Variants in CALN1 observed in about 807,000 individuals in gnomAD.
CALN1 encodes the protein calcium-binding protein 8.
Under a neutral mutation model 30.6 loss-of-function variants are expected in CALN1, and 17 were observed. The observed-to-expected ratio is 0.56, with a 90% CI of 0.38 to 0.83. The LOEUF (loss-of-function observed/expected upper bound fraction) is 0.83, where lower values mean the gene tolerates loss of function less well. CALN1 is among the 40% of genes least tolerant of loss of function. CALN1 has a pLI of 0.00. For missense variants in CALN1, 291 were observed against 354.9 expected (o/e 0.82, Z 1.45); for synonymous variants, 156 against 131.4 (o/e 1.19, Z -1.28).
chr7:72,056,149 A>AC (rs1803244873), intron 4 of CALN1, among the ~76,000 whole-genome samples: 1 of 151,692 alleles, frequency 6.6e-6, no homozygotes, highest in Admixed American at 6.6e-5. Context: ...TACTCTAACA[A>AC]TTTTATACTT....
intron 6 of CALN1, among the ~76,000 whole-genome samples, chr7:71,806,729 C>A (rs567352942): frequency 3.9e-5 from 6 of 152,116 alleles, no homozygotes; most frequent in African/African-American, 1.2e-4. Flanking sequence ...GACCCCCCCC[C>A]AGGGAGCTGA....
At chr7:72,496,902 G>T in the CALN1 span, among the ~76,000 whole-genome samples, 554 of 152,226 alleles carry the variant, frequency 3.6e-3, 5 homozygotes, top group Non-Finnish European at 4.8e-3. Flanking sequence ...AGGGCTTATA[G>T]TCTTATGAGG....
intron 2 of CALN1, among the ~76,000 whole-genome samples, chr7:72,376,895 T>G (rs2944787): frequency 0.32 from 49,276 of 152,116 alleles, 9,691 homozygotes; most frequent in Middle Eastern, 0.51. Flanking sequence ...CTTTCTGTAT[T>G]TTTGCATGTG....
chr7:72,328,155 T>C (rs758415161), intron 2 of CALN1, among the ~76,000 whole-genome samples: 2 of 152,214 alleles, frequency 1.3e-5, no homozygotes, highest in Non-Finnish European at 2.9e-5. Flanking sequence ...AAAAATGTCT[T>C]AAGCACAAAA....
chr7:72,259,102 A>T (rs1465818553), intron 3 of CALN1, among the ~76,000 whole-genome samples: 1 of 150,652 alleles, frequency 6.6e-6, no homozygotes, highest in Admixed American at 6.7e-5. Context: ...TATTATTTAT[A>T]TATATATATA....
At chr7:72,420,937 T>A (rs1807587754) in intron 1 of CALN1, among the ~76,000 whole-genome samples, 1 of 152,072 alleles carries the variant, frequency 6.6e-6, no homozygotes, top group Non-Finnish European at 1.5e-5. Flanking sequence ...AACATGCATC[T>A]GCAAGGGCCT....
chr7:72,094,211 A>G (rs1309167393), intron 4 of CALN1, among the ~76,000 whole-genome samples: 1 of 152,184 alleles, frequency 6.6e-6, no homozygotes, highest in Non-Finnish European at 1.5e-5. Flanking sequence ...GTGTTAAATC[A>G]AAGAAGATAC....
At chr7:72,190,203 CA>C (rs1016034546) in intron 3 of CALN1, among the ~76,000 whole-genome samples, 12 of 152,028 alleles carry the variant, frequency 7.9e-5, no homozygotes, top group Admixed American at 7.9e-4. Flanking sequence ...TAAAAACATA[CA>C]AATTAGCTGG....
chr7:72,370,178 T>A (rs935547428), intron 2 of CALN1, among the ~76,000 whole-genome samples: 1 of 152,222 alleles, frequency 6.6e-6, no homozygotes, highest in Non-Finnish European at 1.5e-5. Flanking sequence ...TGTAATGACA[T>A]CTCATTGTAG....
intron 3 of CALN1, among the ~76,000 whole-genome samples, chr7:72,166,831 C>A (rs763550629): frequency 3.9e-4 from 60 of 151,930 alleles, no homozygotes; most frequent in Non-Finnish European, 7.9e-4. Context: ...TCATTTGAGG[C>A]CAGGAGTTCA....
At chr7:71,955,681 G>A (rs1796923544) in intron 5 of CALN1, among the ~76,000 whole-genome samples, 1 of 152,064 alleles carries the variant, frequency 6.6e-6, no homozygotes, top group Non-Finnish European at 1.5e-5. Context: ...ATAGGGTACA[G>A]ATCTTAAGTT....
At chr7:72,195,454 C>A (rs1189917323) in intron 3 of CALN1, among the ~76,000 whole-genome samples, 1 of 152,222 alleles carries the variant, frequency 6.6e-6, no homozygotes, top group East Asian at 1.9e-4. Flanking sequence ...TAGCTCACTG[C>A]AGCCTTGACT....
intron 2 of CALN1, among the ~76,000 whole-genome samples, chr7:72,295,623 C>A (rs1364077448): frequency 7.2e-6 from 1 of 138,276 alleles, no homozygotes; most frequent in East Asian, 2.1e-4. Context: ...CTCTTTGAAG[C>A]AATTGTGAAT....
chr7:72,106,446 G>C (rs191746063), intron 3 of CALN1, 152 bp from the exon 4 acceptor site: 47 of 744,598 alleles, frequency 6.3e-5, no homozygotes, highest in South Asian at 6.1e-4. Flanking sequence ...GACAGAAGAA[G>C]AACAGAAGAA....
intron 3 of CALN1, among the ~76,000 whole-genome samples, chr7:72,127,528 G>T (rs893204853): frequency 6.6e-6 from 1 of 152,186 alleles, no homozygotes; most frequent in African/African-American, 2.4e-5. Context: ...TGCTTCTGAG[G>T]TCCAAAGGAT....
At chr7:72,368,815 T>A in intron 2 of CALN1, among the ~76,000 whole-genome samples, 1 of 142,580 alleles carries the variant, frequency 7.0e-6, no homozygotes, top group Non-Finnish European at 1.5e-5. Flanking sequence ...AACCCTTTTT[T>A]TTTTTTTTTT....
intron 3 of CALN1, among the ~76,000 whole-genome samples, chr7:72,126,278 G>C (rs945844199): frequency 6.6e-6 from 1 of 152,066 alleles, no homozygotes; most frequent in African/African-American, 2.4e-5. Flanking sequence ...ATTCCATGGT[G>C]TATACATACC....
chr7:72,179,273 A>G (rs1367785542), intron 3 of CALN1, among the ~76,000 whole-genome samples: 3 of 152,232 alleles, frequency 2.0e-5, no homozygotes, highest in South Asian at 2.1e-4. Context: ...GGTAATTAAC[A>G]TCATTTGCAT....
At chr7:72,396,684 G>A (rs1299337041) in intron 2 of CALN1, among the ~76,000 whole-genome samples, 1 of 152,080 alleles carries the variant, frequency 6.6e-6, no homozygotes, top group Non-Finnish European at 1.5e-5. Context: ...ACAGTTGGGT[G>A]GGTAGGGAGT....
Sources: gnomAD v4.1 joint callset for allele counts (sites outside exome capture counted in the v4.1 genomes callset) on GRCh38, gnomAD v4.1.1 for gene constraint, MANE v1.5 for transcripts, NCBI Gene and HGNC (gene_info 2026-07-23, HGNC 2026-07-21) for gene names.